Variants in IGSF23 observed in about 807,000 individuals in gnomAD.
IGSF23 encodes the protein immunoglobulin superfamily, member 23.
In IGSF23, 14 loss-of-function variants were observed where a neutral mutation model predicts 17.8. The ratio of observed to expected loss-of-function variants is 0.79; its 90% confidence interval spans 0.52 to 1.23. IGSF23 has a LOEUF of 1.23. Among genes scored for constraint, IGSF23 ranks in the 50% most tolerant of loss-of-function variants. The pLI, the probability that IGSF23 is intolerant of heterozygous loss-of-function variation, is 0.00. For synonymous variants in IGSF23, 85 were observed against 92.5 expected (o/e 0.92, Z 0.46); for missense variants, 214 against 241.7 (o/e 0.89, Z 0.76).
intron 3 of IGSF23, among the ~76,000 whole-genome samples, chr19:44,630,244 G>C (rs1207738022): frequency 6.6e-6 from 1 of 152,166 alleles, no homozygotes; most frequent in Non-Finnish European, 1.5e-5. Context: ...AACCATCTAG[G>C]GGCAAGGGAG....
Position 44,627,407 on chromosome 19 carries a change from CCTT to C in IGSF23, c.392-12_392-10del, listed in dbSNP as rs1265277089. 2.7e-6 allele frequency: 4 copies of C among 1,500,850 alleles called. No homozygotes were observed. Among genetic ancestry groups the C allele is most frequent in the Non-Finnish European group, 3.6e-6 (4 of 1,114,032 alleles). 93.0% of individuals were successfully genotyped at this position (1,500,850 alleles called of 1,614,324 possible). On this transcript the variant is annotated splice_polypyrimidine_tract_variant and intron_variant, in intron 2 of 4. Transcript: ENST00000402988. ...AGATGGCTCCTCCAATCTCACCCCT[CCTT>C]GGTCCCCAGAACCCATCATGCAGCC...
chr19:44,634,435 G>A (rs778826371), intron 3 of IGSF23, among the ~76,000 whole-genome samples: 2 of 152,146 alleles, frequency 1.3e-5, no homozygotes, highest in East Asian at 1.9e-4. Context: ...ACAAGGAAAA[G>A]GCTCAAATGT....
chr19:44,625,155 T>C (rs1972617033), intron 2 of IGSF23, among the ~76,000 whole-genome samples: 1 of 152,152 alleles, frequency 6.6e-6, no homozygotes, highest in African/African-American at 2.4e-5. Context: ...TCTGAGCCAG[T>C]GCCTTGACTT....
intron 3 of IGSF23, among the ~76,000 whole-genome samples, chr19:44,631,038 T>A (rs1258321130): frequency 1.3e-5 from 2 of 148,392 alleles, no homozygotes; most frequent in Non-Finnish European, 3.0e-5. Context: ...GAGGATTGCT[T>A]GAGTCCAGGA....
chr19:44,613,923 A>T, intron 1 of IGSF23, 153 bp downstream of exon 1: 1 of 1,547,518 alleles, frequency 6.5e-7, no homozygotes. Context: ...TGGACAGAAC[A>T]CGAGATGAGG....
intron 1 of IGSF23, among the ~76,000 whole-genome samples, chr19:44,619,700 G>T (rs909315409): frequency 6.6e-6 from 1 of 152,060 alleles, no homozygotes; most frequent in Non-Finnish European, 1.5e-5. Flanking sequence ...TCCTTGCATG[G>T]TCTTTCTTCT....
At chr19:44,618,453 C>G (rs915939381) in intron 1 of IGSF23, among the ~76,000 whole-genome samples, 24 of 152,218 alleles carry the variant, frequency 1.6e-4, no homozygotes, top group African/African-American at 5.3e-4. Context: ...GCTGACTTCT[C>G]AGAAAGCAGA....
chr19:44,635,413 G>A lies in IGSF23; in HGVS notation c.558G>A (p.Gln186=). ...CTCTCCACTGCAGGACTGACAGGCA[G>A]AGAATAGGAATATGCAGCTGAAATG... The part of the protein sequence containing the change: ...IIIQSLRTDR[Q]RIGICS Residue 186 remains glutamine (Q), a synonymous_variant, in exon 4 of 5, where the codon CAG becomes CAA. Coordinates refer to ENST00000402988, the MANE Select transcript of IGSF23 (RefSeq NM_001205280.2). The A allele has an allele frequency of 6.5e-7, 1 of 1,548,566 alleles. No individual in the cohort carries two copies. Among genetic ancestry groups the A allele is most frequent in the East Asian group, 2.4e-5 (1 of 40,890 alleles).
At chr19:44,618,159 AGT>A (rs1436527837) in intron 1 of IGSF23, 2 of 470,990 alleles carry the variant, frequency 4.2e-6, no homozygotes, top group Non-Finnish European at 8.8e-6. Flanking sequence ...CGAAGGAGCC[AGT>A]GTCCATCTTC....
intron 2 of IGSF23, among the ~76,000 whole-genome samples, chr19:44,624,539 C>T (rs139213163): frequency 1.3e-5 from 2 of 152,064 alleles, no homozygotes; most frequent in Non-Finnish European, 2.9e-5. Flanking sequence ...CCCACCTTGG[C>T]CTCCCAAACT....
intron 1 of IGSF23, among the ~76,000 whole-genome samples, chr19:44,615,916 G>T (rs1468349488): frequency 1.4e-5 from 2 of 146,216 alleles, no homozygotes; most frequent in African/African-American, 5.0e-5. Flanking sequence ...GGGGGCGGGA[G>T]GGTGGGGTAC....
intron 1 of IGSF23, among the ~76,000 whole-genome samples, chr19:44,623,037 T>C (rs1173465389): frequency 2.0e-5 from 3 of 152,174 alleles, no homozygotes; most frequent in African/African-American, 7.2e-5. Context: ...TGTCAGTTTG[T>C]TGACCCTCTC....
chr19:44,627,713 T>C, intron 3 of IGSF23, 140 bp downstream of exon 3: 1 of 952,456 alleles, frequency 1.0e-6, no homozygotes, highest in Non-Finnish European at 1.5e-6. Context: ...GGAGCCCATC[T>C]GACTCACTGG....
intron 1 of IGSF23, among the ~76,000 whole-genome samples, chr19:44,619,400 G>A (rs77090013): frequency 0.014 from 2,144 of 152,310 alleles, 25 homozygotes; most frequent in Admixed American, 0.02. Context: ...GAAAGGTAGA[G>A]AAGGTCTGGT....
intron 1 of IGSF23, among the ~76,000 whole-genome samples, chr19:44,622,144 C>A (rs960621796): frequency 2.6e-4 from 39 of 151,176 alleles, no homozygotes; most frequent in African/African-American, 9.2e-4. Flanking sequence ...TGCTTGAACC[C>A]AGGGGGCAGA....
At position 44,623,901 on chromosome 19, in the gene IGSF23, G is replaced by C. The variant is rs1972577191; in HGVS notation, c.320G>C (p.Gly107Ala). Residue 107 changes from glycine (G) to alanine (A), a missense_variant, in exon 2 of 5, where the codon GGC (glycine) becomes GCC (alanine). Transcript: ENST00000402988. ...FIRRLSCEQL[G>A]TYMCIATNSK... ...CGACGGTTGTCCTGTGAGCAGCTGGGCACCTACATGTGCATAGCCACAAAC... is the reference window on the plus strand; with the variant it reads ...CGACGGTTGTCCTGTGAGCAGCTGGCCACCTACATGTGCATAGCCACAAAC... 6.4e-7 allele frequency: 1 copy of C among 1,550,666 alleles called. No individual in the cohort carries two copies. The highest frequency in any genetic ancestry group is 2.0e-5 in the Admixed American group (1 of 50,984).
chr19:44,631,973 A>C (rs1972777630), intron 3 of IGSF23, among the ~76,000 whole-genome samples: 1 of 152,194 alleles, frequency 6.6e-6, no homozygotes, highest in Non-Finnish European at 1.5e-5. Flanking sequence ...GTTTATGGCC[A>C]GGTTTTGCGG....
chr19:44,635,530 G>T, intron 4 of IGSF23, 65 bp downstream of exon 4: 1 of 1,115,524 alleles, frequency 9.0e-7, no homozygotes, highest in South Asian at 1.4e-5. Context: ...CTTGGGCAGA[G>T]ACTCCATATG....
At position 44,623,877 on chromosome 19, in the gene IGSF23, G is replaced by A. The variant is rs745915226; in HGVS notation, c.296G>A (p.Arg99Gln). Residue 99 changes from arginine (R) to glutamine (Q), a missense_variant, in exon 2 of 5, where the codon CGA becomes CAA. Physicochemically the swap from Arg to Gln is conservative, Grantham distance 43 (BLOSUM62 1). Transcript: ENST00000402988. Reference protein sequence around the residue: ...PCGMGEKLFIRRLSCEQLGTY... With the variant: ...PCGMGEKLFIQRLSCEQLGTY... ...GGGATGGGAGAGAAGCTGTTCATCC[G>A]ACGGTTGTCCTGTGAGCAGCTGGGC... is the stretch of plus-strand genomic sequence containing the variant. The A allele has an allele frequency of 6.4e-6, 10 of 1,550,840 alleles. No individual in the cohort carries two copies. The highest frequency in any genetic ancestry group is 2.4e-5 in the South Asian group (2 of 84,066).
Sources: gnomAD v4.1 joint callset for allele counts (sites outside exome capture counted in the v4.1 genomes callset) on GRCh38, gnomAD v4.1.1 for gene constraint, MANE v1.5 for transcripts, NCBI Gene and HGNC (gene_info 2026-07-23, HGNC 2026-07-21) for gene names.